IFT140: variants seen among roughly 807,000 people sequenced by gnomAD.
IFT140 encodes the protein intraflagellar transport protein 140 homolog.
A neutral mutation model predicts 164.6 loss-of-function variants in IFT140; 133 were observed. The observed-to-expected ratio is 0.81, with a 90% CI of 0.70 to 0.93. IFT140 has a LOEUF of 0.93. IFT140 is among the 40% of genes least tolerant of loss of function. IFT140 has a pLI of 0.00. For missense variants in IFT140, 2,045 were observed against 1,972.3 expected, an observed-to-expected ratio of 1.04 and a Z score of -0.70; for synonymous variants, 860 against 817.3, an observed-to-expected ratio of 1.05 and a Z score of -0.89.
intron 14 of IFT140, among the ~76,000 whole-genome samples, chr16:1,569,940 G>A (rs190455323): frequency 6.6e-5 from 10 of 152,052 alleles, no homozygotes; most frequent in Middle Eastern, 3.4e-3. Flanking sequence ...ATGAGCCACC[G>A]CATCTGGCCT....
intron 6 of IFT140, among the ~76,000 whole-genome samples, chr16:1,591,708 C>T (rs916883376): frequency 2.4e-4 from 36 of 152,190 alleles, no homozygotes; most frequent in African/African-American, 8.2e-4. Flanking sequence ...CGGTGTCCAG[C>T]GCTGACCTCC....
intron 19 of IFT140, among the ~76,000 whole-genome samples, chr16:1,527,959 G>T (rs2029899749): frequency 6.6e-6 from 1 of 152,222 alleles, no homozygotes; most frequent in African/African-American, 2.4e-5. Context: ...CTTGGTTTGT[G>T]TCAGCTCCAG....
intron 3 of IFT140, among the ~76,000 whole-genome samples, chr16:1,604,221 A>T (rs1475554307): frequency 6.7e-6 from 1 of 150,234 alleles, no homozygotes; most frequent in Non-Finnish European, 1.5e-5. Context: ...TATATGGAGG[A>T]GCCTGCTGGC....
chr16:1,520,073 C>T (rs2040473963), intron 28 of IFT140, 26 bp from the exon 29 acceptor site: 5 of 1,607,768 alleles, frequency 3.1e-6, no homozygotes, highest in Non-Finnish European at 4.3e-6. Flanking sequence ...CCGTCAAGAC[C>T]TGCCGGGCTC....
rs1402787371 is a variant in IFT140, at chr16:1,519,877, A to T, written c.4040+4T>A. The T allele has an allele frequency of 2.0e-6, 3 of 1,529,114 alleles. No individual in the cohort carries two copies. Among genetic ancestry groups the T allele is most frequent in the East Asian group, 4.5e-5 (2 of 44,084 alleles). The allele number at this position is 1,529,114 out of a possible 1,614,324, so 94.7% of individuals were successfully genotyped here. A position where few individuals can be genotyped will look rare whatever the true frequency, so the allele number is the denominator to read the frequency against. On this transcript the variant is annotated splice_donor_region_variant and intron_variant, in intron 29 of 30. Transcript: ENST00000426508. Reference sequence around the variant, plus strand: ...GCCTGTCCCCGCTGGCCCCGGGGGCACACCTGCGGGCCTGGATGAACCTCT... The same window carrying T: ...GCCTGTCCCCGCTGGCCCCGGGGGCTCACCTGCGGGCCTGGATGAACCTCT...
intron 19 of IFT140, among the ~76,000 whole-genome samples, chr16:1,545,508 A>C (rs1030872732): frequency 6.6e-6 from 1 of 151,936 alleles, no homozygotes; most frequent in African/African-American, 2.4e-5. Context: ...CTAATTTTAG[A>C]GTCGGGTTTT....
At chr16:1,562,568 T>C (rs1331924485) in intron 17 of IFT140, among the ~76,000 whole-genome samples, 2 of 151,984 alleles carry the variant, frequency 1.3e-5, no homozygotes, top group Non-Finnish European at 2.9e-5. Flanking sequence ...GGTCAGGAGT[T>C]TGAGACCAGC....
intron 1 of IFT140, among the ~76,000 whole-genome samples, chr16:1,611,308 C>G (rs376545501): frequency 1.3e-5 from 2 of 152,042 alleles, no homozygotes; most frequent in African/African-American, 4.8e-5. Flanking sequence ...AGTTCGAGAC[C>G]AGCCTTGGCA....
At chr16:1,522,434 C>G (rs972432105) in intron 26 of IFT140, among the ~76,000 whole-genome samples, 1 of 152,236 alleles carries the variant, frequency 6.6e-6, no homozygotes, top group Admixed American at 6.5e-5. Flanking sequence ...ACTGGGGAAT[C>G]TGAGGCAGGA....
intron 4 of IFT140, among the ~76,000 whole-genome samples, chr16:1,597,305 C>A (rs1276334779): frequency 2.0e-5 from 3 of 152,176 alleles, no homozygotes; most frequent in Admixed American, 6.5e-5. Flanking sequence ...CTAGGGATTG[C>A]CCGCCTCCCT....
At position 1,571,360 on chromosome 16, in the gene IFT140, G is replaced by T. The variant is rs779140849; in HGVS notation, c.1652+47C>A. 3.1e-6 allele frequency: 5 copies of T among 1,593,022 alleles called. No individual in the cohort carries two copies. In the South Asian group the frequency reaches 3.4e-5, roughly 11 times the overall value. ...CTTTCTACCCATCACACTGTCTCCT[G>T]ACTGACTAAAAAAATGTTCACACTT... On this transcript the variant is annotated intron_variant, in intron 14 of 30. Coordinates refer to ENST00000426508, the MANE Select transcript of IFT140 (RefSeq NM_014714.4).
chr16:1,518,476 C>A, intron 29 of IFT140, 119 bp from the exon 30 acceptor site: 1 of 942,536 alleles, frequency 1.1e-6, no homozygotes, highest in Non-Finnish European at 1.5e-6. Context: ...AGGAAACTTT[C>A]TATGAAGTTA....
chr16:1,607,511 C>T (rs184756787), intron 2 of IFT140, among the ~76,000 whole-genome samples: 1 of 152,164 alleles, frequency 6.6e-6, no homozygotes, highest in South Asian at 2.1e-4. Flanking sequence ...CCGGAATCAC[C>T]CAGGCTGTGA....
At chr16:1,606,124 C>T (rs973116502) in intron 3 of IFT140, among the ~76,000 whole-genome samples, 9 of 152,222 alleles carry the variant, frequency 5.9e-5, no homozygotes, top group African/African-American at 1.9e-4. Context: ...CCTGCTGACA[C>T]CTGATTTTGG....
At chr16:1,542,057 C>A in intron 19 of IFT140, 7 of 1,608,752 alleles carry the variant, frequency 4.4e-6, no homozygotes, top group Non-Finnish European at 5.9e-6. Context: ...AGGCCATGGC[C>A]GCTGCATTCC....
intron 28 of IFT140, 34 bp downstream of exon 28, chr16:1,520,097 G>C: frequency 6.2e-7 from 1 of 1,610,640 alleles, no homozygotes; most frequent in African/African-American, 1.3e-5. Flanking sequence ...AGCCCTCCCC[G>C]GGGCCCCGCT....
chr16:1,530,370 A>T (rs1004824253), intron 19 of IFT140, among the ~76,000 whole-genome samples: 2 of 151,754 alleles, frequency 1.3e-5, no homozygotes, highest in Non-Finnish European at 2.9e-5. Context: ...TGACCTTGTG[A>T]TCTGCTCGCC....
chr16:1,577,803 T>A (rs201668057), intron 13 of IFT140: 8 of 151,970 alleles, frequency 5.3e-5, no homozygotes, highest in Non-Finnish European at 8.8e-5. Context: ...TGCAGTGAGC[T>A]GAGATTGTGC....
At chr16:1,587,839 T>G in intron 8 of IFT140, 94 bp downstream of exon 8, 1 of 956,988 alleles carries the variant, frequency 1.0e-6, no homozygotes, top group Non-Finnish European at 1.6e-6. Context: ...ATATGTGCAT[T>G]TTACATATGC....
Sources: allele counts gnomAD v4.1 joint callset (sites outside exome capture counted in the v4.1 genomes callset), GRCh38; gene constraint gnomAD v4.1.1; transcripts MANE v1.5; gene names NCBI Gene and HGNC (gene_info 2026-07-23, HGNC 2026-07-21).